Variants in SLC2A13 observed in about 807,000 individuals in gnomAD.
SLC2A13 encodes the protein proton myo-inositol cotransporter.
A neutral mutation model predicts 64.4 loss-of-function variants in SLC2A13; 32 were observed. That is an observed-to-expected ratio of 0.50 (90% confidence interval 0.37 to 0.67). The LOEUF is 0.67. Among genes scored for constraint, SLC2A13 ranks in the 30% least tolerant of loss-of-function variants. The pLI, the probability that SLC2A13 is intolerant of heterozygous loss-of-function variation, is 0.00. For missense variants in SLC2A13, 743 were observed against 829.2 expected (o/e 0.90, Z 1.28); for synonymous variants, 338 against 327.1 (o/e 1.03, Z -0.36).
chr12:39,791,154 C>G (rs950234764), intron 7 of SLC2A13, among the ~76,000 whole-genome samples: 1 of 151,908 alleles, frequency 6.6e-6, no homozygotes, highest in African/African-American at 2.4e-5. Flanking sequence ...CAAAAATTTT[C>G]TCCCATCAAA....
At chr12:39,903,281 G>T (rs947132825) in intron 4 of SLC2A13, among the ~76,000 whole-genome samples, 3 of 151,980 alleles carry the variant, frequency 2.0e-5, no homozygotes, top group African/African-American at 7.3e-5. Flanking sequence ...CTATGTATGG[G>T]GTACTTTAAT....
chr12:39,777,471 T>C (rs1940816740), intron 7 of SLC2A13, among the ~76,000 whole-genome samples: 2 of 151,790 alleles, frequency 1.3e-5, no homozygotes, highest in African/African-American at 4.8e-5. Flanking sequence ...AAGTGCTAGG[T>C]AGAGGAGGGC....
chr12:39,924,023 T>C (rs1300373302), intron 4 of SLC2A13, among the ~76,000 whole-genome samples: 1 of 152,148 alleles, frequency 6.6e-6, no homozygotes, highest in Non-Finnish European at 1.5e-5. Flanking sequence ...AAATTACTTG[T>C]ATTGAATACA....
intron 6 of SLC2A13, among the ~76,000 whole-genome samples, chr12:39,840,345 T>G (rs1424852734): frequency 2.6e-5 from 4 of 151,988 alleles, no homozygotes; most frequent in Non-Finnish European, 5.9e-5. Flanking sequence ...CTCTGTCCAC[T>G]CCACTCTCTA....
chr12:39,820,259 G>C (rs1036775962), intron 7 of SLC2A13, among the ~76,000 whole-genome samples: 4 of 152,196 alleles, frequency 2.6e-5, no homozygotes, highest in Non-Finnish European at 4.4e-5. Flanking sequence ...CATCCTAACA[G>C]AGGGCAAGTG....
In SLC2A13 at chr12:39,896,542, ATG is replaced by A. The variant is rs200302558; in HGVS notation, c.1035-24583_1035-24582del. Among the ~76,000 whole-genome samples the A allele has an allele frequency of 2.0e-4, 29 of 142,688 alleles. No individual in the cohort carries two copies. The East Asian group carries it at 2.8e-3, about 14-fold the overall frequency. 93.6% of individuals were successfully genotyped at this position (142,688 alleles called of 152,430 possible). A position where few individuals can be genotyped will look rare whatever the true frequency, so the allele number is the denominator to read the frequency against. Reference sequence around the variant, plus strand: ...TATACATGTATACATGTATGTATGTATGTGTGTATACATGTATACATATATGT... The same window carrying A: ...TATACATGTATACATGTATGTATGTATGTGTATACATGTATACATATATGT... On this transcript the variant is annotated intron_variant, in intron 4 of 9. Transcript: ENST00000280871.
At chr12:39,847,366 C>T (rs570679716) in intron 6 of SLC2A13, among the ~76,000 whole-genome samples, 1 of 152,208 alleles carries the variant, frequency 6.6e-6, no homozygotes, top group Non-Finnish European at 1.5e-5. Flanking sequence ...CTCCTCCCGA[C>T]TGCTAGACAA....
At position 39,816,086 on chromosome 12, in the gene SLC2A13, G is replaced by A. The variant is rs180717538; in HGVS notation, c.1445+14017C>T. On this transcript the variant is annotated intron_variant, in intron 7 of 9. Transcript: ENST00000280871. ...TCGATGAGGCACATAATATGTTCTG[G>A]GCTGATAGTGAGCTGAGGTCTGAAA... Among the ~76,000 whole-genome samples the A allele has an allele frequency of 2.9e-3, 434 of 152,230 alleles. 1 individual carries two copies. Among genetic ancestry groups the A allele is most frequent in the Non-Finnish European group, 5.5e-3 (375 of 68,026 alleles).
intron 1 of SLC2A13, among the ~76,000 whole-genome samples, chr12:40,055,105 A>G (rs1380636701): frequency 6.6e-6 from 1 of 152,202 alleles, no homozygotes; most frequent in Non-Finnish European, 1.5e-5. Context: ...CAAACAGTCA[A>G]GTATCTATGG....
At chr12:39,870,287 A>G (rs73274701) in intron 5 of SLC2A13, among the ~76,000 whole-genome samples, 4,117 of 152,266 alleles carry the variant, frequency 0.027, 175 homozygotes, top group African/African-American at 0.094. Context: ...AGCAGCTATT[A>G]TCTCTTCTTA....
chr12:39,859,094 T>A (rs962041290), intron 6 of SLC2A13, among the ~76,000 whole-genome samples: 1 of 152,134 alleles, frequency 6.6e-6, no homozygotes, highest in African/African-American at 2.4e-5. Context: ...ATGAGGGGCA[T>A]ACTGTTTCAC....
rs139911832 is a variant in SLC2A13 at position 39,812,765 on chromosome 12, C to T, written c.1445+17338G>A. On this transcript the variant is annotated intron_variant, in intron 7 of 9. Coordinates refer to ENST00000280871, the MANE Select transcript of SLC2A13 (RefSeq NM_052885.4). ...GGGATTACGGGCGTGAGTCATTGCA[C>T]CTGGCGGTTTCTAATTTCAACATAT... Among the ~76,000 whole-genome samples, 808 of 151,236 alleles carry T rather than the reference C, an allele frequency of 5.3e-3. 6 individuals carry two copies. The highest frequency in any genetic ancestry group is 0.019 in the African/African-American group (785 of 41,118).
chr12:39,776,714 TGGGTGG>T (rs1940792665), intron 7 of SLC2A13, among the ~76,000 whole-genome samples: 1 of 126,982 alleles, frequency 7.9e-6, no homozygotes, highest in East Asian at 2.4e-4. Context: ...GAGGTAGGGA[TGGGTGG>T]AGTTGAGACA....
At chr12:39,992,699 T>A (rs1284238708) in intron 3 of SLC2A13, among the ~76,000 whole-genome samples, 1 of 152,040 alleles carries the variant, frequency 6.6e-6, no homozygotes, top group South Asian at 2.1e-4. Context: ...ATGTTCTTAG[T>A]AGTAGTAGTA....
chr12:39,784,378 T>C (rs1323860958), intron 7 of SLC2A13, among the ~76,000 whole-genome samples: 2 of 151,960 alleles, frequency 1.3e-5, no homozygotes, highest in African/African-American at 2.4e-5. Context: ...AAAACAGAGA[T>C]ATAGAACAAT....
rs112750109 is a variant in SLC2A13 at position 40,042,133 on chromosome 12, C to A, written c.716+5918G>T. Among the ~76,000 whole-genome samples the A allele has an allele frequency of 7.1e-3, 1,079 of 152,222 alleles. 10 individuals carry two copies. Among genetic ancestry groups the A allele is most frequent in the African/African-American group, 0.024 (1,009 of 41,518 alleles). ...AATATTTTGTATTTCTCATTCAATA[C>A]CTATATTACATCAATTAAATGATGA... is the stretch of plus-strand genomic sequence containing the variant. On this transcript the variant is annotated intron_variant, in intron 2 of 9. Transcript: ENST00000280871.
intron 7 of SLC2A13, among the ~76,000 whole-genome samples, chr12:39,820,577 G>A (rs569715432): frequency 3.9e-5 from 6 of 151,914 alleles, no homozygotes; most frequent in Non-Finnish European, 7.4e-5. Context: ...CAGAGGCAGC[G>A]GTTCTTTGAT....
chr12:39,881,159 T>C (rs1322711589), intron 4 of SLC2A13, among the ~76,000 whole-genome samples: 1 of 152,200 alleles, frequency 6.6e-6, no homozygotes, highest in Non-Finnish European at 1.5e-5. Context: ...CAATAAAGGT[T>C]GAGTTATTTT....
chr12:40,075,060 T>A (rs1938117929), intron 1 of SLC2A13, among the ~76,000 whole-genome samples: 1 of 152,134 alleles, frequency 6.6e-6, no homozygotes, highest in Non-Finnish European at 1.5e-5. Context: ...CAGACCTCAT[T>A]TAAAAACAAA....
Sources: allele counts gnomAD v4.1 joint callset (sites outside exome capture counted in the v4.1 genomes callset), GRCh38; gene constraint gnomAD v4.1.1; transcripts MANE v1.5; gene names NCBI Gene and HGNC (gene_info 2026-07-23, HGNC 2026-07-21).